NSUN6: variants seen among roughly 807,000 people sequenced by gnomAD.
NSUN6 encodes NOP2/Sun RNA methyltransferase 6.
NSUN6 carries 64 observed loss-of-function variants against 58.0 expected under a neutral mutation model. That is an observed-to-expected ratio of 1.10 (90% CI 0.90 to 1.36). The LOEUF is 1.36. Among genes scored for constraint, NSUN6 ranks in the 40% most tolerant of loss-of-function variants. NSUN6 has a pLI of 0.00. For synonymous variants in NSUN6, 231 were observed against 193.9 expected, an observed-to-expected ratio of 1.19 and a Z score of -1.59; for missense variants, 701 against 550.1, an observed-to-expected ratio of 1.27 and a Z score of -2.74.
At chr10:18,616,106 C>G in intron 4 of NSUN6, 78 bp downstream of exon 4, 1 of 871,858 alleles carries the variant, frequency 1.1e-6, no homozygotes, top group Middle Eastern at 2.2e-4. Context: ...ATCTTAGTGA[C>G]AAATCAATAA....
At chr10:18,563,909 A>C (rs1270294209) in intron 8 of NSUN6, among the ~76,000 whole-genome samples, 4 of 141,638 alleles carry the variant, frequency 2.8e-5, no homozygotes, top group African/African-American at 2.6e-5. Flanking sequence ...CCATTACATT[A>C]CATTCTCCAT....
chr10:18,579,275 A>G (rs1039026649), intron 8 of NSUN6, among the ~76,000 whole-genome samples: 1 of 151,874 alleles, frequency 6.6e-6, no homozygotes, highest in Non-Finnish European at 1.5e-5. Context: ...CGTTCATGCC[A>G]TTCTCCTGCC....
chr10:18,609,171 C>A (rs888549591), intron 6 of NSUN6, among the ~76,000 whole-genome samples: 2 of 152,068 alleles, frequency 1.3e-5, no homozygotes, highest in African/African-American at 4.8e-5. Flanking sequence ...ATGAGTGGGG[C>A]ATAGTAGTGC....
intron 2 of NSUN6, among the ~76,000 whole-genome samples, chr10:18,643,071 C>T (rs867818563): frequency 6.6e-6 from 1 of 151,684 alleles, no homozygotes; most frequent in Non-Finnish European, 1.5e-5. Flanking sequence ...GGTACAGGTG[C>T]GGGAGCCAGC....
intron 8 of NSUN6, among the ~76,000 whole-genome samples, chr10:18,553,287 C>G (rs2054733142): frequency 6.6e-6 from 1 of 151,828 alleles, no homozygotes; most frequent in South Asian, 2.1e-4. Flanking sequence ...ATTCTCTATT[C>G]CGTTCCGTTC....
Position 18,648,529 on chromosome 10 carries a change from T to G in NSUN6, c.192A>C (p.Val64=). ...TVRVNTHLAS[V]QHVKNLLLDE... Reference sequence around the variant, plus strand: ...CAAGTAACAGATTTTTCACATGTTGTACTGAGGCTAAATGTGTATTCACTC... The same window carrying G: ...CAAGTAACAGATTTTTCACATGTTGGACTGAGGCTAAATGTGTATTCACTC... Residue 64 remains valine (V), a synonymous_variant, in exon 2 of 11, where the codon GTA becomes GTC. Coordinates refer to ENST00000377304, the MANE Select transcript of NSUN6 (RefSeq NM_182543.5). The G allele has an allele frequency of 6.2e-7, 1 of 1,609,176 alleles. No homozygotes were observed. Among genetic ancestry groups the G allele is most frequent in the Non-Finnish European group, 8.5e-7 (1 of 1,175,802 alleles).
At chr10:18,547,804 A>G (rs2133377048) in intron 10 of NSUN6, among the ~76,000 whole-genome samples, 2 of 152,308 alleles carry the variant, frequency 1.3e-5, no homozygotes, top group South Asian at 4.1e-4. Context: ...GGGAAGGAGA[A>G]AAAAATCTTT....
intron 8 of NSUN6, among the ~76,000 whole-genome samples, chr10:18,562,061 G>C (rs969875716): frequency 2.6e-5 from 4 of 150,976 alleles, no homozygotes; most frequent in African/African-American, 9.8e-5. Context: ...GAATGGAGTG[G>C]AGCATGAAAT....
intron 3 of NSUN6, among the ~76,000 whole-genome samples, chr10:18,619,329 G>A (rs988788132): frequency 8.5e-5 from 13 of 152,152 alleles, no homozygotes; most frequent in African/African-American, 2.9e-4. Context: ...TTACGGCTGC[G>A]CATTCTCAGA....
chr10:18,637,428 A>G (rs745820646), intron 3 of NSUN6, among the ~76,000 whole-genome samples: 1 of 152,276 alleles, frequency 6.6e-6, no homozygotes, highest in African/African-American at 2.4e-5. Flanking sequence ...AAGCCACATA[A>G]AAGTAAGTAT....
intron 3 of NSUN6, among the ~76,000 whole-genome samples, chr10:18,632,302 C>A (rs1474671009): frequency 2.0e-4 from 29 of 142,942 alleles, no homozygotes; most frequent in Non-Finnish European, 4.3e-4. Context: ...CATAAAAACC[C>A]TAGAAGAAAA....
chr10:18,552,052 AAATCATAATCTAG>A, intron 8 of NSUN6, 81 bp from the exon 9 acceptor site: 1 of 782,154 alleles, frequency 1.3e-6, no homozygotes, highest in Middle Eastern at 3.2e-4. Context: ...CAGGAATTTA[AAATCATAATCTAG>A]AATAAAAAAA....
intron 3 of NSUN6, among the ~76,000 whole-genome samples, chr10:18,624,013 C>T (rs1468064795): frequency 6.6e-6 from 1 of 152,026 alleles, no homozygotes; most frequent in Admixed American, 6.6e-5. Flanking sequence ...AGAAATAATT[C>T]ATTCTGCATT....
intron 3 of NSUN6, among the ~76,000 whole-genome samples, chr10:18,626,024 T>C (rs1722006821): frequency 2.0e-5 from 3 of 152,040 alleles, no homozygotes. Flanking sequence ...GCAGACATTC[T>C]CAATCAAGAA....
In NSUN6 at chr10:18,546,119, C is replaced by T; in HGVS notation, c.1224G>A (p.Met408Ile). 1 of 1,613,530 alleles carries T rather than the reference C, an allele frequency of 6.2e-7. No homozygotes were observed. The highest frequency in any genetic ancestry group is 1.1e-5 in the South Asian group (1 of 91,056). Residue 408 changes from methionine to isoleucine, a missense_variant, in exon 11 of 11, where the codon ATG becomes ATA. Coordinates refer to ENST00000377304, the MANE Select transcript of NSUN6 (RefSeq NM_182543.5). ...GTTCACATGAGAGCCCAGCTCCCCT[C>T]ATTCCTTCTCCTCCAATCTGCGGTT... ...PQEPQIGGEG[M>I]RGAGLSCEQL...
intron 3 of NSUN6, 32 bp from the exon 4 acceptor site, chr10:18,616,325 T>C: frequency 7.6e-7 from 1 of 1,313,806 alleles, no homozygotes; most frequent in Non-Finnish European, 1.1e-6. Context: ...AGTTTAATAG[T>C]AACATACCTC....
chr10:18,548,734 G>T (rs941052270), intron 9 of NSUN6, among the ~76,000 whole-genome samples: 12 of 152,108 alleles, frequency 7.9e-5, no homozygotes, highest in African/African-American at 2.9e-4. Flanking sequence ...CCATGGGTCT[G>T]GCCCTTCTCA....
At chr10:18,548,798 C>T (rs893102668) in intron 9 of NSUN6, among the ~76,000 whole-genome samples, 1 of 152,104 alleles carries the variant, frequency 6.6e-6, no homozygotes, top group African/African-American at 2.4e-5. Context: ...CTCCTACTTT[C>T]CCTCTGAAAT....
chr10:18,564,159 C>T (rs772872130), intron 8 of NSUN6, among the ~76,000 whole-genome samples: 4 of 151,420 alleles, frequency 2.6e-5, no homozygotes, highest in Non-Finnish European at 3.0e-5. Context: ...CCATTACAGT[C>T]CATTCCATTT....
Sources: allele counts gnomAD v4.1 joint callset (sites outside exome capture counted in the v4.1 genomes callset), GRCh38; gene constraint gnomAD v4.1.1; transcripts MANE v1.5; gene names NCBI Gene and HGNC (gene_info 2026-07-23, HGNC 2026-07-21).